MAST3: variants seen among roughly 807,000 people sequenced by gnomAD.
MAST3 encodes microtubule-associated serine/threonine-protein kinase 3.
In MAST3, 43 loss-of-function variants were observed where a neutral mutation model predicts 127.0. The ratio of observed to expected loss-of-function variants is 0.34; its 90% CI spans 0.27 to 0.44. The LOEUF is 0.44. MAST3 is among the 20% of genes least tolerant of loss of function. MAST3 has a pLI of 1.00. For synonymous variants in MAST3, 785 were observed against 809.2 expected, an observed-to-expected ratio of 0.97 and a Z score of 0.51; for missense variants, 1,390 against 1,919.1, an observed-to-expected ratio of 0.72 and a Z score of 5.15.
chr19:18,137,542 AT>A (rs1210296518), intron 19 of MAST3, among the ~76,000 whole-genome samples, 181 bp downstream of exon 19: 5 of 152,066 alleles, frequency 3.3e-5, no homozygotes, highest in Non-Finnish European at 7.4e-5. Context: ...CCCTGGCTGG[AT>A]TTCCTGTGTG....
chr19:18,133,473 G>A (rs2041547365), intron 15 of MAST3, among the ~76,000 whole-genome samples: 1 of 151,896 alleles, frequency 6.6e-6, no homozygotes, highest in South Asian at 2.1e-4. Flanking sequence ...TCCGCCTACC[G>A]GGTTCAAGCA....
intron 20 of MAST3, among the ~76,000 whole-genome samples, chr19:18,140,040 C>T (rs1253764736): frequency 1.3e-5 from 2 of 150,900 alleles, no homozygotes; most frequent in Non-Finnish European, 1.5e-5. Flanking sequence ...AGGATGGTCT[C>T]GATCTCCTGA....
Position 18,149,685 on chromosome 19 carries a change from G to A in MAST3, c.4003G>A (p.Glu1335Lys), listed in dbSNP as rs889118444. The A allele has an allele frequency of 3.1e-6, 5 of 1,612,954 alleles. No homozygotes were observed. In the South Asian group the frequency reaches 4.4e-5, roughly 14 times the overall value. ...GCCACAGATCGCCGTGGAGGGCGAG[G>A]AAGCCGTGCCAGTAGCTCTCGGGCC... ...SVPQIAVEGE[E>K]AVPVALGPTG... The change falls in exon 28 of 28, where the codon GAA (glutamate) becomes AAA (lysine). Residue 1335 changes from glutamate to lysine, a missense_variant. By Grantham distance (56) the Glu-to-Lys change is moderately conservative (BLOSUM62 1). Coordinates refer to ENST00000687212, the MANE Select transcript of MAST3 (RefSeq NM_001393504.1). The surrounding 1 kb of genome is among the most constrained non-coding windows in gnomAD (Gnocchi z 5.9).
chr19:18,147,999 A>T (rs1168481879), intron 27 of MAST3, among the ~76,000 whole-genome samples: 2 of 151,808 alleles, frequency 1.3e-5, no homozygotes, highest in South Asian at 2.1e-4. Context: ...TACAAAACAT[A>T]AAAAAATTAG....
At chr19:18,107,149 A>G (rs928641522) in intron 1 of MAST3, among the ~76,000 whole-genome samples, 15 of 151,624 alleles carry the variant, frequency 9.9e-5, no homozygotes, top group African/African-American at 2.7e-4. Context: ...AGTTTTGTAG[A>G]GATGTAGTCT....
At chr19:18,121,058 G>GT (rs368779221) in intron 3 of MAST3, among the ~76,000 whole-genome samples, 135 of 152,164 alleles carry the variant, frequency 8.9e-4, no homozygotes, top group African/African-American at 3.1e-3. Flanking sequence ...GTTTCACCAT[G>GT]TTTACCAGGA....
At chr19:18,118,496 GGAGTGAGT>G (rs1375534812) in intron 3 of MAST3, among the ~76,000 whole-genome samples, 1 of 152,188 alleles carries the variant, frequency 6.6e-6, no homozygotes, top group Non-Finnish European at 1.5e-5. Context: ...GTGACAGACA[GGAGTGAGT>G]TGAGATTGAG....
chr19:18,101,263 G>A (rs546818408), intron 1 of MAST3, among the ~76,000 whole-genome samples: 36 of 152,252 alleles, frequency 2.4e-4, no homozygotes, highest in African/African-American at 8.7e-4. Flanking sequence ...TGTCTCTGCC[G>A]CTACTGGGGT....
chr19:18,100,128 C>CTCTCTCTCTTTTTTTTTTTTTTTTTT (rs776661078), intron 1 of MAST3, among the ~76,000 whole-genome samples: 83 of 121,652 alleles, frequency 6.8e-4, no homozygotes, highest in African/African-American at 2.2e-3. Context: ...CTCTCTCTCT[C>CTCTCTCTCTTTTTTTTTTTTTTTTTT]TTTTTTTTTT....
chr19:18,131,899 C>T lies in MAST3; in HGVS notation c.1433-10C>T, dbSNP rs1305183712. 6.4e-7 allele frequency: 1 copy of T among 1,568,618 alleles called. No individual in the cohort carries two copies. Among genetic ancestry groups the T allele is most frequent in the Non-Finnish European group, 8.6e-7 (1 of 1,160,022 alleles). On this transcript the variant is annotated splice_polypyrimidine_tract_variant and intron_variant, in intron 14 of 27. Transcript: ENST00000687212. ...CCCGGGCCTCATGACTACATCCGCC[C>T]TTCTCCCAGGCGGCGACTGCGCCAC...
At position 18,134,614 on chromosome 19, in the gene MAST3, C is replaced by T. The variant is rs772530453; in HGVS notation, c.1607C>T (p.Thr536Met). Residue 536 changes from threonine to methionine, a missense_variant, in exon 16 of 28, where the codon ACG becomes ATG. By Grantham distance (81) the Thr-to-Met change is moderately conservative (BLOSUM62 -1). Coordinates refer to ENST00000687212, the MANE Select transcript of MAST3 (RefSeq NM_001393504.1). Reference protein sequence around the residue: ...LITSLGHIKLTDFGLSKIGLM... With the variant: ...LITSLGHIKLMDFGLSKIGLM... ...ACCTCGCTTGGCCACATCAAGCTCA[C>T]GGACTTCGGCCTGTCCAAGATCGGC... 4.3e-6 allele frequency: 7 copies of T among 1,612,898 alleles called. No homozygotes were observed. Among genetic ancestry groups the T allele is most frequent in the East Asian group, 2.2e-5 (1 of 44,842 alleles).
At chr19:18,115,862 G>A (rs1007801980) in intron 3 of MAST3, among the ~76,000 whole-genome samples, 3 of 152,168 alleles carry the variant, frequency 2.0e-5, no homozygotes, top group Admixed American at 2.0e-4. Context: ...ACTCCTCCCT[G>A]CAGCCCACAA....
At chr19:18,102,474 C>T (rs1425517065) in intron 1 of MAST3, among the ~76,000 whole-genome samples, 5 of 150,518 alleles carry the variant, frequency 3.3e-5, no homozygotes, top group African/African-American at 7.3e-5. Context: ...CCACTGCGCC[C>T]GGCCACCTTT....
rs936443203 is a variant in MAST3, at chr19:18,108,288, T to TA, written c.71+679dup. 1.2e-4 allele frequency among the ~76,000 whole-genome samples: 18 copies of TA among 148,570 alleles called. No homozygotes were observed. The South Asian group carries it at 1.3e-3, about 11-fold the overall frequency. ...CTGGGCAACAGAGTGAGACTCTGTC[T>TA]AAAAAAAAAGAAAAGAAAAAAATCA... On this transcript the variant is annotated intron_variant, in intron 2 of 27. Transcript: ENST00000687212.
At chr19:18,130,165 G>A (rs2041119468) in intron 13 of MAST3, among the ~76,000 whole-genome samples, 1 of 152,034 alleles carries the variant, frequency 6.6e-6, no homozygotes, top group Admixed American at 6.6e-5. Context: ...ATAGTGAGCC[G>A]TGATCTCATG....
rs1202912011 is a variant in MAST3 at position 18,112,946 on chromosome 19, T to C, written c.161+2205T>C. Among the ~76,000 whole-genome samples the C allele has an allele frequency of 6.6e-6, 1 of 152,054 alleles. No homozygotes were observed. The highest frequency in any genetic ancestry group is 1.5e-5 in the Non-Finnish European group (1 of 67,996). ...CCATTTAGTGAAGAAAACAGGGGCA[T>C]AGGACCTCAGAATGTGTTATCAGGA... On this transcript the variant is annotated intron_variant, in intron 3 of 27. Transcript: ENST00000687212. This position sits in a 1 kb window ranked among gnomAD's most constrained non-coding sequence, Gnocchi z 4.1.
rs565029790 is a variant in MAST3 at position 18,104,503 on chromosome 19, C to T, written c.40-3084C>T. 3.3e-5 allele frequency among the ~76,000 whole-genome samples: 5 copies of T among 152,254 alleles called. No homozygotes were observed. In the South Asian group the frequency reaches 1.0e-3, roughly 32 times the overall value. On this transcript the variant is annotated intron_variant, in intron 1 of 27. Transcript: ENST00000687212. ...ACCTTGCCCTCCCAGCTGGGTCATC[C>T]GGCAGCCCAGCAGCTTCCGGCCCCC...
chr19:18,145,070 C>T lies in MAST3; in HGVS notation c.2880C>T (p.Ser960=), dbSNP rs2042893529. ...GCTCTCTGTCCTCGAACCCGTCGTC[C>T]CGTGACTCTTCGCCGAGCCGAGACC... The part of the protein sequence containing the change: ...SPRSLSSNPS[S]RDSSPSRDPS... The change falls in exon 24 of 28, where the codon TCC becomes TCT. Residue 960 remains serine, a synonymous_variant. Coordinates refer to ENST00000687212, the MANE Select transcript of MAST3 (RefSeq NM_001393504.1). The surrounding 1 kb of genome is among the most constrained non-coding windows in gnomAD (Gnocchi z 5.9). The T allele has an allele frequency of 6.2e-7, 1 of 1,612,934 alleles. No individual in the cohort carries two copies. The highest frequency in any genetic ancestry group is 8.5e-7 in the Non-Finnish European group (1 of 1,179,840).
At chr19:18,098,644 TAAGAA>T (rs1029750766) in intron 1 of MAST3, 11 of 452,068 alleles carry the variant, frequency 2.4e-5, no homozygotes, top group African/African-American at 6.0e-5. Flanking sequence ...GTCCCCATTA[TAAGAA>T]AAGAAAAACA....
Sources: allele counts gnomAD v4.1 joint callset (sites outside exome capture counted in the v4.1 genomes callset), GRCh38; gene constraint gnomAD v4.1.1; non-coding constraint Gnocchi (gnomAD v3.1); transcripts MANE v1.5; gene names NCBI Gene and HGNC (gene_info 2026-07-23, HGNC 2026-07-21).